Variants in NEMP1 observed in about 807,000 individuals in gnomAD.
The protein encoded by NEMP1 is nuclear envelope integral membrane protein 1.
NEMP1 carries 29 observed loss-of-function variants against 53.7 expected under a neutral mutation model. The ratio of observed to expected loss-of-function variants is 0.54; its 90% CI spans 0.40 to 0.74. The LOEUF is 0.74. NEMP1 is among the 30% of genes least tolerant of loss of function. The probability of loss-of-function intolerance (pLI) is 0.00; values close to 1 mark genes in which losing one functional copy is unlikely to be tolerated. For synonymous variants in NEMP1, 193 were observed against 192.9 expected, an observed-to-expected ratio of 1.00 and a Z score of 0.00; for missense variants, 477 against 528.6, an observed-to-expected ratio of 0.90 and a Z score of 0.96.
intron 2 of NEMP1, among the ~76,000 whole-genome samples, chr12:57,072,028 C>T (rs79985903): frequency 0.011 from 1,674 of 152,170 alleles, 37 homozygotes; most frequent in African/African-American, 0.039. Flanking sequence ...TTCTTCAGCT[C>T]GGGGGTTTAT....
In NEMP1 at chr12:57,056,048, G is replaced by A. The variant is rs1489314412; in HGVS notation, c.*3831C>T. Reference sequence around the variant, plus strand: ...TTCACCATTTTCAAATTATCATCAAGAGTGTGAAAGAGGAAGATGACACAC... The same window carrying A: ...TTCACCATTTTCAAATTATCATCAAAAGTGTGAAAGAGGAAGATGACACAC... On this transcript the variant is annotated 3_prime_UTR_variant, in exon 9 of 9. Transcript: ENST00000300128. 6.6e-6 allele frequency: 1 copy of A among 152,196 alleles called. No homozygotes were observed. The allele number at this position is 152,196 out of a possible 1,614,324, so 9.4% of individuals were successfully genotyped here.
Position 57,059,924 on chromosome 12 carries a change from T to C in NEMP1, c.1290A>G (p.Ser430=), listed in dbSNP as rs774556985. ...YEEASSEEED[S]YSRCPAITQN... is the part of the protein sequence containing the mutation. ...GTGTGATAGCAGGACACCGAGAATA[T>C]GAGTCCTCCTCCTCAGAGGATGCTT... Residue 430 remains serine (S), a synonymous_variant, in exon 9 of 9, where the codon TCA becomes TCG. Transcript: ENST00000300128. 9 of 1,613,714 alleles carry C rather than the reference T, an allele frequency of 5.6e-6. No individual in the cohort carries two copies. The highest frequency in any genetic ancestry group is 6.8e-6 in the Non-Finnish European group (8 of 1,179,912).
At chr12:57,081,034 G>A (rs1565668147), upstream of NEMP1, among the ~76,000 whole-genome samples, 1 of 152,136 alleles carries the variant, frequency 6.6e-6, no homozygotes, top group Non-Finnish European at 1.5e-5. Context: ...CTGACCTAGG[G>A]AAGTCAGCAT....
chr12:57,072,785 T>C lies in NEMP1; in HGVS notation c.252+3A>G. The C allele has an allele frequency of 6.3e-7, 1 of 1,592,776 alleles. No individual in the cohort carries two copies. Among genetic ancestry groups the C allele is most frequent in the Non-Finnish European group, 8.6e-7 (1 of 1,167,488 alleles). On this transcript the variant is annotated splice_donor_region_variant and intron_variant, in intron 2 of 8. Transcript: ENST00000300128. ...CCACTGCCAGAGGATTCCAAGTTAT[T>C]ACCTGTATCCGTGTCCATATATCAT...
chr12:57,078,874 C>T, upstream of NEMP1: 1 of 1,074,984 alleles, frequency 9.3e-7, no homozygotes, highest in Non-Finnish European at 1.3e-6. Flanking sequence ...GCTTCGAGCA[C>T]CCAGCCCTCC....
intron 8 of NEMP1, among the ~76,000 whole-genome samples, 188 bp downstream of exon 8, chr12:57,060,584 T>C (rs940754024): frequency 6.6e-6 from 1 of 152,130 alleles, no homozygotes; most frequent in African/African-American, 2.4e-5. Flanking sequence ...AAAGCTAGAG[T>C]AGATAGTTCC....
At chr12:57,077,029 C>T (rs2032657184) in intron 1 of NEMP1, among the ~76,000 whole-genome samples, 2 of 151,898 alleles carry the variant, frequency 1.3e-5, no homozygotes, top group East Asian at 1.9e-4. Context: ...ACAAGTAAGA[C>T]AACATTTACA....
upstream of NEMP1, chr12:57,078,817 C>T: frequency 6.6e-7 from 1 of 1,521,908 alleles, no homozygotes; most frequent in Non-Finnish European, 8.9e-7. Flanking sequence ...ACGACAGCAG[C>T]CTATCCTCTA....
chr12:57,080,584 A>AG (rs1170284763), upstream of NEMP1, among the ~76,000 whole-genome samples: 1 of 71,830 alleles, frequency 1.4e-5, no homozygotes, highest in African/African-American at 6.3e-5. Flanking sequence ...GTCTCAAAAG[A>AG]GAAAAAAAAA....
rs1237268393 is a variant in NEMP1 at position 57,056,493 on chromosome 12, A to G, written c.*3386T>C. 2 of 152,238 alleles carry G rather than the reference A, an allele frequency of 1.3e-5. No homozygotes were observed. Among genetic ancestry groups the G allele is most frequent in the Non-Finnish European group, 2.9e-5 (2 of 68,038 alleles). The allele number at this position is 152,238 out of a possible 1,614,324, so 9.4% of individuals were successfully genotyped here. A position where few individuals can be genotyped will look rare whatever the true frequency, so the allele number is the denominator to read the frequency against. On this transcript the variant is annotated 3_prime_UTR_variant, in exon 9 of 9. Coordinates refer to ENST00000300128, the MANE Select transcript of NEMP1 (RefSeq NM_001130963.2). Reference sequence around the variant, plus strand: ...GTCAAACTGTTCTCTTGTTTCAGATACAATTCTTGGCATTTCAATATAGGT... The same window carrying G: ...GTCAAACTGTTCTCTTGTTTCAGATGCAATTCTTGGCATTTCAATATAGGT...
Position 57,078,652 on chromosome 12 carries a change from A to T in NEMP1, c.94T>A (p.Leu32Met). 6.2e-7 allele frequency: 1 copy of T among 1,613,306 alleles called. No homozygotes were observed. Among genetic ancestry groups the T allele is most frequent in the Non-Finnish European group, 8.5e-7 (1 of 1,179,632 alleles). Residue 32 changes from leucine to methionine, a missense_variant, in exon 1 of 9, where the codon TTG becomes ATG. Transcript: ENST00000300128. Reference sequence around the variant, plus strand: ...TAGACCAAGCAGCCGGAGAGGATCAAGAGTAGCCGCACTGTCCCACCGCCC... The same window carrying T: ...TAGACCAAGCAGCCGGAGAGGATCATGAGTAGCCGCACTGTCCCACCGCCC... ...VGGGGTVRLL[L>M]ILSGCLVYGT...
intron 7 of NEMP1, among the ~76,000 whole-genome samples, chr12:57,062,849 AAC>A (rs1228220425): frequency 2.6e-5 from 4 of 152,174 alleles, no homozygotes; most frequent in African/African-American, 4.8e-5. Flanking sequence ...ATCTCAAAAA[AAC>A]AGTGATAGAA....
upstream of NEMP1, among the ~76,000 whole-genome samples, chr12:57,079,131 G>A (rs535474636): frequency 1.3e-5 from 2 of 152,318 alleles, no homozygotes; most frequent in African/African-American, 2.4e-5. Context: ...GCTGTCTGAA[G>A]TTCCTTCCGT....
At chr12:57,070,283 C>A (rs1273202575) in intron 3 of NEMP1, among the ~76,000 whole-genome samples, 1 of 152,200 alleles carries the variant, frequency 6.6e-6, no homozygotes, top group Non-Finnish European at 1.5e-5. Flanking sequence ...CCATTCACGT[C>A]TTTAAATGTA....
intron 7 of NEMP1, among the ~76,000 whole-genome samples, chr12:57,062,420 C>T (rs2031854676): frequency 1.3e-5 from 2 of 151,866 alleles, no homozygotes; most frequent in African/African-American, 4.8e-5. Context: ...GTGGAGGCTG[C>T]AGTGAGCCGA....
chr12:57,074,890 C>T (rs2032528891), intron 1 of NEMP1, among the ~76,000 whole-genome samples: 2 of 151,770 alleles, frequency 1.3e-5, no homozygotes, highest in East Asian at 3.9e-4. Context: ...GAGTTCAAAA[C>T]CAGCCTGGCC....
At chr12:57,069,001 C>T (rs867426807) in intron 4 of NEMP1, among the ~76,000 whole-genome samples, 32 of 152,312 alleles carry the variant, frequency 2.1e-4, no homozygotes, top group African/African-American at 5.8e-4. Flanking sequence ...TAACTCCTAT[C>T]AACCTAATGA....
intron 1 of NEMP1, 45 bp downstream of exon 1, chr12:57,078,574 C>A (rs781476104): frequency 1.3e-6 from 2 of 1,576,678 alleles, no homozygotes. Flanking sequence ...CCAAAAATAA[C>A]CCCCTCGGCA....
intron 4 of NEMP1, among the ~76,000 whole-genome samples, chr12:57,065,478 T>C (rs1297404971): frequency 2.6e-5 from 4 of 152,216 alleles, no homozygotes; most frequent in African/African-American, 9.6e-5. Flanking sequence ...AGCTAGATCT[T>C]CTGAATAACT....
Sources: allele counts gnomAD v4.1 joint callset (sites outside exome capture counted in the v4.1 genomes callset), GRCh38; gene constraint gnomAD v4.1.1; transcripts MANE v1.5; gene names NCBI Gene and HGNC (gene_info 2026-07-23, HGNC 2026-07-21).